The following ELAVL2 variants were observed in gnomAD, a reference collection of about 807,000 sequenced individuals.
The protein encoded by ELAVL2 is ELAV like RNA binding protein 2, also known as ELAV-like protein 2.
In ELAVL2, 4 loss-of-function variants were observed where a neutral mutation model predicts 34.6. The observed-to-expected ratio is 0.12, with a 90% CI of 0.06 to 0.26. The LOEUF is 0.26. Ranked by LOEUF, ELAVL2 falls within the 10% of genes least tolerant of loss-of-function variation. The probability of loss-of-function intolerance (pLI) is 1.00; values close to 1 mark genes in which losing one functional copy is unlikely to be tolerated. For synonymous variants in ELAVL2, 193 were observed against 154.8 expected, an observed-to-expected ratio of 1.25 and a Z score of -1.83; for missense variants, 432 against 442.8, an observed-to-expected ratio of 0.98 and a Z score of 0.22.
chr9:23,707,402 G>T (rs2039671570), intron 3 of ELAVL2, among the ~76,000 whole-genome samples: 1 of 152,130 alleles, frequency 6.6e-6, no homozygotes, highest in Admixed American at 6.5e-5. Flanking sequence ...TCCACAGGAG[G>T]GAGCACCCAA....
intron 1 of ELAVL2, among the ~76,000 whole-genome samples, chr9:23,788,813 G>A (rs1028971213): frequency 2.6e-5 from 4 of 152,132 alleles, no homozygotes; most frequent in African/African-American, 9.7e-5. Context: ...TAACAGCATG[G>A]ATACACTAGA....
rs1175031948 is a variant in ELAVL2 at position 23,760,719 on chromosome 9, CA to C, written c.229+1286del. Among the ~76,000 whole-genome samples the C allele has an allele frequency of 2.0e-5, 3 of 152,134 alleles. No individual in the cohort carries two copies. The East Asian group carries it at 5.8e-4, about 29-fold the overall frequency. On this transcript the variant is annotated intron_variant, in intron 2 of 6. Coordinates refer to ENST00000397312, the MANE Select transcript of ELAVL2 (RefSeq NM_004432.5). ...CCTAATATCATAGTGAACATTTAAG[CA>C]ACATAATTAAAATATAATGGCCGTT...
intron 1 of ELAVL2, chr9:23,821,929 G>C (rs1292530678): frequency 6.6e-6 from 1 of 151,268 alleles, no homozygotes; most frequent in Non-Finnish European, 1.5e-5. Context: ...CGCGGCCGCC[G>C]CCGGCGCGTG....
chr9:23,785,941 A>G (rs1307609227), intron 1 of ELAVL2, among the ~76,000 whole-genome samples: 1 of 152,216 alleles, frequency 6.6e-6, no homozygotes, highest in African/African-American at 2.4e-5. Context: ...ACTTTTCGGT[A>G]CTTGAAGGTC....
In ELAVL2 at chr9:23,774,227, AAAAAAAAAAAAGAAAG is replaced by A. The variant is rs1564401563; in HGVS notation, c.-15-11994_-15-11979del. Among the ~76,000 whole-genome samples, 4 of 147,238 alleles carry A rather than the reference AAAAAAAAAAAAGAAAG, an allele frequency of 2.7e-5. No individual in the cohort carries two copies. The East Asian group carries it at 5.9e-4, about 22-fold the overall frequency. On this transcript the variant is annotated intron_variant, in intron 1 of 6. Transcript: ENST00000397312. Reference sequence around the variant, plus strand: ...AGACTCCATCTCAAAAAAAAAAAAAAAAAAAAAAAAAGAAAGAAAGAAAGAAAGAAAATTTGCTTAT... The same window carrying A: ...AGACTCCATCTCAAAAAAAAAAAAAAAAAGAAAGAAAGAAAATTTGCTTAT...
intron 1 of ELAVL2, chr9:23,821,910 T>A (rs1163048515): frequency 6.6e-6 from 1 of 150,942 alleles, no homozygotes; most frequent in Non-Finnish European, 1.5e-5. Context: ...GGCGGCGAGT[T>A]CGCGGCGCCG....
At chr9:23,709,449 C>T (rs1243766424) in intron 3 of ELAVL2, among the ~76,000 whole-genome samples, 3 of 145,464 alleles carry the variant, frequency 2.1e-5, no homozygotes, top group East Asian at 2.1e-4. Flanking sequence ...TTCTCCATTC[C>T]GATTTTTTTT....
intron 4 of ELAVL2, among the ~76,000 whole-genome samples, chr9:23,703,925 A>AT (rs2038382994): frequency 6.6e-6 from 1 of 151,760 alleles, no homozygotes; most frequent in African/African-American, 2.4e-5. Context: ...CTTTCATTTT[A>AT]TTTTTTACTT....
At chr9:23,809,955 T>C (rs1297839653) in intron 1 of ELAVL2, among the ~76,000 whole-genome samples, 2 of 152,204 alleles carry the variant, frequency 1.3e-5, no homozygotes, top group Non-Finnish European at 2.9e-5. Flanking sequence ...TCAAACATCC[T>C]ATTGAACACT....
chr9:23,818,059 CA>C (rs1482000278), intron 1 of ELAVL2, among the ~76,000 whole-genome samples: 1 of 152,078 alleles, frequency 6.6e-6, no homozygotes, highest in Non-Finnish European at 1.5e-5. Context: ...TTAGAACATA[CA>C]AAAGTGTGGA....
At chr9:23,811,344 A>G (rs1020911759) in intron 1 of ELAVL2, among the ~76,000 whole-genome samples, 9 of 151,576 alleles carry the variant, frequency 5.9e-5, no homozygotes, top group Non-Finnish European at 2.9e-5. Context: ...AAAAAAAAAA[A>G]CCCACGAAAC....
At chr9:23,701,896 C>T (rs556442925) in intron 4 of ELAVL2, among the ~76,000 whole-genome samples, 7 of 152,228 alleles carry the variant, frequency 4.6e-5, no homozygotes, top group Non-Finnish European at 7.4e-5. Flanking sequence ...TCCATGTTTT[C>T]TCTCTCTCCC....
intron 3 of ELAVL2, among the ~76,000 whole-genome samples, chr9:23,721,743 G>GATCCCCTTA (rs2043792300): frequency 6.6e-6 from 1 of 152,178 alleles, no homozygotes; most frequent in African/African-American, 2.4e-5. Flanking sequence ...GGATCCTTAT[G>GATCCCCTTA]ATGATCCACT....
At chr9:23,764,205 T>C (rs1320660732) in intron 1 of ELAVL2, among the ~76,000 whole-genome samples, 7 of 152,088 alleles carry the variant, frequency 4.6e-5, no homozygotes, top group East Asian at 1.9e-4. Context: ...ACTGAAAAGT[T>C]TGGATGGGTG....
At chr9:23,774,558 A>C (rs2057893914) in intron 1 of ELAVL2, among the ~76,000 whole-genome samples, 1 of 152,152 alleles carries the variant, frequency 6.6e-6, no homozygotes, top group Non-Finnish European at 1.5e-5. Flanking sequence ...ACTATGTTTA[A>C]ATATACAGAG....
chr9:23,705,838 T>C (rs1245335696), intron 3 of ELAVL2, among the ~76,000 whole-genome samples: 1 of 152,164 alleles, frequency 6.6e-6, no homozygotes, highest in Admixed American at 6.5e-5. Flanking sequence ...TATGGGTCCA[T>C]GGCCAGGGGT....
intron 3 of ELAVL2, among the ~76,000 whole-genome samples, chr9:23,716,647 C>T (rs1212499710): frequency 1.3e-5 from 2 of 152,158 alleles, no homozygotes; most frequent in Non-Finnish European, 2.9e-5. Flanking sequence ...AGCTGCTCTC[C>T]AAAGACAAAA....
chr9:23,707,720 T>G (rs1050436271), intron 3 of ELAVL2, among the ~76,000 whole-genome samples: 3 of 152,212 alleles, frequency 2.0e-5, no homozygotes, highest in Admixed American at 2.0e-4. Flanking sequence ...TCTACCTTCT[T>G]TATATGGCTA....
chr9:23,811,209 A>G (rs531400641), intron 1 of ELAVL2, among the ~76,000 whole-genome samples: 20 of 152,300 alleles, frequency 1.3e-4, no homozygotes, highest in Admixed American at 1.1e-3. Context: ...AATTTTTTCA[A>G]AAAGTCCAAG....
Sources: gnomAD v4.1 joint callset for allele counts (sites outside exome capture counted in the v4.1 genomes callset) on GRCh38, gnomAD v4.1.1 for gene constraint, MANE v1.5 for transcripts, NCBI Gene and HGNC (gene_info 2026-07-23, HGNC 2026-07-21) for gene names.